The following C12orf54 variants were observed in gnomAD, a reference collection of about 807,000 sequenced individuals.
The protein encoded by C12orf54 is chromosome 12 open reading frame 54, also known as uncharacterized protein C12orf54.
In C12orf54, 24 loss-of-function variants were observed where a neutral mutation model predicts 26.4. The ratio of observed to expected loss-of-function variants is 0.91; its 90% CI spans 0.66 to 1.28. The LOEUF is 1.28. C12orf54 is among the 50% of genes most tolerant of loss of function. The probability of loss-of-function intolerance (pLI) is 0.00; values close to 1 mark genes in which losing one functional copy is unlikely to be tolerated. For synonymous variants in C12orf54, 54 were observed against 47.0 expected (o/e 1.15, Z -0.61); for missense variants, 154 against 150.9 (o/e 1.02, Z -0.11).
At chr12:48,468,455 A>G in the C12orf54 span, among the ~76,000 whole-genome samples, 29,977 of 152,090 alleles carry the variant, frequency 0.2, 3,272 homozygotes, top group South Asian at 0.3. Flanking sequence ...GGTTTTGAGG[A>G]AGGCTGTGAT....
At position 48,494,994 on chromosome 12, in the gene C12orf54, C is replaced by T; in HGVS notation, c.*40+15C>T. 9 of 1,571,036 alleles carry T rather than the reference C, an allele frequency of 5.7e-6. No homozygotes were observed. The highest frequency in any genetic ancestry group is 1.1e-5 in the South Asian group (1 of 88,872). ...GCTTCCGCCAGGTGCTTTACCCAAG[C>T]AGCCTTTCCCCTGAGCTCCACCCTG... On this transcript the variant is annotated intron_variant, in intron 8 of 8. Transcript: ENST00000548364.
the C12orf54 span, among the ~76,000 whole-genome samples, chr12:48,439,648 C>CA: frequency 6.6e-6 from 1 of 151,926 alleles, no homozygotes; most frequent in South Asian, 2.1e-4. Context: ...ATTGCAAGGA[C>CA]AAAAAACCAA....
At chr12:48,435,359 T>C in the C12orf54 span, among the ~76,000 whole-genome samples, 1 of 152,218 alleles carries the variant, frequency 6.6e-6, no homozygotes, top group South Asian at 2.1e-4. Context: ...CCAGGAGAAC[T>C]TCCCCAATCT....
chr12:48,457,805 C>T, the C12orf54 span, among the ~76,000 whole-genome samples: 1 of 152,134 alleles, frequency 6.6e-6, no homozygotes, highest in Non-Finnish European at 1.5e-5. Flanking sequence ...GAAATTGTGT[C>T]CTGCGGGAGA....
At chr12:48,446,676 T>G in the C12orf54 span, among the ~76,000 whole-genome samples, 1 of 152,220 alleles carries the variant, frequency 6.6e-6, no homozygotes, top group African/African-American at 2.4e-5. Context: ...CACGGCTTAT[T>G]TTTAGATCAT....
intron 4 of C12orf54, chr12:48,488,130 G>A (rs1345357854): frequency 2.5e-6 from 2 of 794,676 alleles, no homozygotes; most frequent in Non-Finnish European, 4.6e-6. Context: ...GGAACAGTTT[G>A]CCTGGAGACA....
chr12:48,496,442 T>G lies in C12orf54; in HGVS notation c.*302T>G, dbSNP rs1012538985. On this transcript the variant is annotated 3_prime_UTR_variant, in exon 9 of 9. Transcript: ENST00000548364. ...AATGGGTAGTGATAGAATTTCCAAG[T>G]ATGATAGTGCATTTGGTTCAAAGAA... The G allele has an allele frequency of 6.5e-6, 1 of 152,674 alleles. No homozygotes were observed. Among genetic ancestry groups the G allele is most frequent in the Non-Finnish European group, 1.5e-5 (1 of 68,044 alleles). The allele number at this position is 152,674 out of a possible 1,614,324, so 9.5% of individuals were successfully genotyped here. A position where few individuals can be genotyped will look rare whatever the true frequency, so the allele number is the denominator to read the frequency against.
chr12:48,428,290 C>T, the C12orf54 span, among the ~76,000 whole-genome samples: 122 of 151,404 alleles, frequency 8.1e-4, no homozygotes, highest in Middle Eastern at 3.4e-3. Flanking sequence ...CAAACCCAAA[C>T]CCAGCAGAAG....
At chr12:48,413,741 T>A in the C12orf54 span, among the ~76,000 whole-genome samples, 1 of 152,186 alleles carries the variant, frequency 6.6e-6, no homozygotes, top group African/African-American at 2.4e-5. Flanking sequence ...GATTATAGAG[T>A]TTGCTTTATC....
At chr12:48,449,802 T>C in the C12orf54 span, among the ~76,000 whole-genome samples, 3 of 152,012 alleles carry the variant, frequency 2.0e-5, no homozygotes, top group East Asian at 5.8e-4. Context: ...TTTGGCTGTG[T>C]CCCCACCCAA....
At position 48,486,210 on chromosome 12, in the gene C12orf54, T is replaced by G. The variant is rs1413280671; in HGVS notation, c.96+2T>G. ...ATAGAAGAGACAATGAGACCACAGG[T>G]GGGTAAGGTATCCAAATTCTCTGGA... On this transcript the variant is annotated splice_donor_variant, in intron 3 of 8. Transcript: ENST00000548364. LOFTEE classifies it high-confidence loss of function. The G allele has an allele frequency of 5.6e-6, 9 of 1,609,366 alleles. No homozygotes were observed. The African/African-American group carries it at 1.1e-4, about 19-fold the overall frequency.
the C12orf54 span, among the ~76,000 whole-genome samples, chr12:48,421,034 T>C: frequency 3.3e-5 from 5 of 152,328 alleles, no homozygotes; most frequent in Non-Finnish European, 7.3e-5. Flanking sequence ...CTACTCCTAT[T>C]CCTCTCCTCT....
chr12:48,436,430 C>A, the C12orf54 span, among the ~76,000 whole-genome samples: 1 of 152,192 alleles, frequency 6.6e-6, no homozygotes, highest in Non-Finnish European at 1.5e-5. Context: ...CTACAGAACT[C>A]TCCACCCCAA....
the C12orf54 span, among the ~76,000 whole-genome samples, chr12:48,456,559 C>T: frequency 2.0e-5 from 3 of 152,132 alleles, no homozygotes; most frequent in South Asian, 6.2e-4. Context: ...AAATTTGAAT[C>T]CCAACTCTGC....
chr12:48,455,121 C>T, the C12orf54 span, among the ~76,000 whole-genome samples: 3 of 152,128 alleles, frequency 2.0e-5, no homozygotes, highest in Admixed American at 1.3e-4. Flanking sequence ...AAGTAGGCCC[C>T]AGTGTCTATT....
At chr12:48,495,146 G>C (rs191997543) in intron 8 of C12orf54, among the ~76,000 whole-genome samples, 167 bp downstream of exon 8, 1 of 152,082 alleles carries the variant, frequency 6.6e-6, no homozygotes, top group Non-Finnish European at 1.5e-5. Context: ...AGTGAAGGCA[G>C]GGCTAGGCCA....
chr12:48,451,526 C>A, the C12orf54 span, among the ~76,000 whole-genome samples: 19 of 152,110 alleles, frequency 1.2e-4, no homozygotes, highest in Non-Finnish European at 1.2e-4. Flanking sequence ...AAGGGATATT[C>A]AAATAGGAAA....
the C12orf54 span, among the ~76,000 whole-genome samples, chr12:48,420,770 T>TTGAAAA: frequency 6.6e-6 from 1 of 152,290 alleles, no homozygotes; most frequent in African/African-American, 2.4e-5. Context: ...GTTGAAAAAC[T>TTGAAAA]CCCCTGCCTT....
the C12orf54 span, among the ~76,000 whole-genome samples, chr12:48,439,640 T>G: frequency 9.2e-5 from 14 of 151,888 alleles, no homozygotes; most frequent in African/African-American, 1.7e-4. Flanking sequence ...AGCAAACTAT[T>G]GCAAGGACAA....
Sources: gnomAD v4.1 joint callset for allele counts (sites outside exome capture counted in the v4.1 genomes callset) on GRCh38, gnomAD v4.1.1 for gene constraint, MANE v1.5 for transcripts, NCBI Gene and HGNC (gene_info 2026-07-23, HGNC 2026-07-21) for gene names.